The following TRPM3 variants were observed in gnomAD, a reference collection of about 807,000 sequenced individuals.
TRPM3 encodes transient receptor potential cation channel subfamily M member 3.
TRPM3 carries 77 observed loss-of-function variants against 181.2 expected under a neutral mutation model. The ratio of observed to expected loss-of-function variants is 0.42; its 90% CI spans 0.35 to 0.51. The LOEUF is 0.51. TRPM3 is among the 20% of genes least tolerant of loss of function. The pLI, the probability that TRPM3 is intolerant of heterozygous loss-of-function variation, is 0.01. For synonymous variants in TRPM3, 745 were observed against 796.4 expected, an observed-to-expected ratio of 0.94 and a Z score of 1.09; for missense variants, 1,759 against 2,196.7, an observed-to-expected ratio of 0.80 and a Z score of 3.98.
At chr9:71,282,181 AAGAAAGG>A (rs2084807450) in intron 1 of TRPM3, among the ~76,000 whole-genome samples, 1 of 129,876 alleles carries the variant, frequency 7.7e-6, no homozygotes, top group African/African-American at 3.1e-5. Flanking sequence ...GAAAGAAAGA[AAGAAAGG>A]AAAGAAAGAA....
At chr9:70,796,716 T>G (rs916695624) in intron 6 of TRPM3, among the ~76,000 whole-genome samples, 6 of 152,236 alleles carry the variant, frequency 3.9e-5, no homozygotes, top group African/African-American at 1.2e-4. Flanking sequence ...GATGTGGGTT[T>G]TGAACAGAGC....
rs561477601 is a variant in TRPM3, at chr9:71,233,687, T to C, written c.183+212966A>G. On this transcript the variant is annotated intron_variant, in intron 1 of 24. Coordinates refer to the TRPM3 transcript ENST00000357533. The stretch of plus-strand genomic sequence containing the variant: ...GTGAAAATGTGTTTGAAATCATAGT[T>C]AAATAAATTGTAGGTGTTATTATTA... Among the ~76,000 whole-genome samples, 252 of 152,332 alleles carry C rather than the reference T, an allele frequency of 1.7e-3. 2 individuals carry two copies. The highest frequency in any genetic ancestry group is 3.1e-3 in the Non-Finnish European group (211 of 68,034).
At chr9:71,074,106 A>G (rs1304558636) in intron 1 of TRPM3, among the ~76,000 whole-genome samples, 1 of 152,204 alleles carries the variant, frequency 6.6e-6, no homozygotes, top group Non-Finnish European at 1.5e-5. Context: ...ATTATTGTTA[A>G]CAATATAATT....
chr9:70,784,493 C>G (rs942989181), intron 6 of TRPM3, among the ~76,000 whole-genome samples: 1 of 152,132 alleles, frequency 6.6e-6, no homozygotes, highest in Non-Finnish European at 1.5e-5. Context: ...TTTGCCCTCT[C>G]CCCTCAACTC....
At chr9:71,042,866 A>C (rs2058989129) in intron 1 of TRPM3, among the ~76,000 whole-genome samples, 1 of 152,234 alleles carries the variant, frequency 6.6e-6, no homozygotes, top group South Asian at 2.1e-4. Context: ...GGCCATAAAC[A>C]GTTCATCAGA....
At chr9:71,285,244 T>A (rs142123325) in intron 1 of TRPM3, among the ~76,000 whole-genome samples, 1 of 152,334 alleles carries the variant, frequency 6.6e-6, no homozygotes, top group Non-Finnish European at 1.5e-5. Context: ...CCTGCCTGGG[T>A]GTGCACCATG....
At chr9:71,307,144 C>A (rs1290377592) in intron 1 of TRPM3, among the ~76,000 whole-genome samples, 1 of 152,166 alleles carries the variant, frequency 6.6e-6, no homozygotes, top group African/African-American at 2.4e-5. Flanking sequence ...GGGTCAAAGG[C>A]CATGAACACT....
In TRPM3 at chr9:70,994,804, TA is replaced by T. The variant is rs1376161737; in HGVS notation, c.177+126373del. 2.0e-5 allele frequency among the ~76,000 whole-genome samples: 3 copies of T among 152,324 alleles called. No homozygotes were observed. The East Asian group carries it at 5.8e-4, about 29-fold the overall frequency. On this transcript the variant is annotated intron_variant, in intron 1 of 25. Transcript: ENST00000677713. ...CTCTGCTTTTGTTGTGCATTCTATCTAATAAACCCTCAGCCTCTTTGGATGT... is the reference window on the plus strand; with the variant it reads ...CTCTGCTTTTGTTGTGCATTCTATCTATAAACCCTCAGCCTCTTTGGATGT...
intron 1 of TRPM3, among the ~76,000 whole-genome samples, chr9:71,434,856 C>T (rs1367630): frequency 0.26 from 39,408 of 151,922 alleles, 6,730 homozygotes; most frequent in African/African-American, 0.49. Flanking sequence ...ATTTATGGAG[C>T]AAAGGAGACA....
chr9:70,851,539 T>A (rs747326770), intron 3 of TRPM3, among the ~76,000 whole-genome samples: 17 of 152,232 alleles, frequency 1.1e-4, no homozygotes, highest in Non-Finnish European at 2.1e-4. Context: ...AGGGTCTACT[T>A]ATTGATCAGG....
intron 1 of TRPM3, among the ~76,000 whole-genome samples, chr9:71,153,852 C>G (rs1285143828): frequency 2.0e-5 from 3 of 152,136 alleles, no homozygotes; most frequent in Admixed American, 6.6e-5. Context: ...CCAACAAGTA[C>G]AGTGAGCATC....
chr9:71,247,854 G>A (rs1163174422), intron 1 of TRPM3, among the ~76,000 whole-genome samples: 1 of 152,090 alleles, frequency 6.6e-6, no homozygotes, highest in Admixed American at 6.6e-5. Context: ...AAACAAGGAG[G>A]TCCAGAGACT....
rs572948586 is a variant in TRPM3, at chr9:70,916,336, G to C, written c.178-51825C>G. On this transcript the variant is annotated intron_variant, in intron 1 of 25. Transcript: ENST00000677713. ...ACTCATTGGTAATAGTAAGTACACA[G>C]AAAAATATAGAATATTATAAAACTG... 1.7e-4 allele frequency among the ~76,000 whole-genome samples: 26 copies of C among 152,206 alleles called. No homozygotes were observed. The East Asian group carries it at 5.0e-3, about 29-fold the overall frequency.
intron 21 of TRPM3, among the ~76,000 whole-genome samples, chr9:70,595,518 C>T (rs567188889): frequency 3.3e-5 from 5 of 152,280 alleles, no homozygotes; most frequent in East Asian, 3.9e-4. Flanking sequence ...ATACAGCCCA[C>T]GATATCAGCA....
At chr9:70,764,552 A>G (rs976972445) in intron 7 of TRPM3, among the ~76,000 whole-genome samples, 4 of 152,158 alleles carry the variant, frequency 2.6e-5, no homozygotes, top group Middle Eastern at 3.2e-3. Context: ...TATGGGTTTC[A>G]GTGGTTAGGA....
chr9:71,145,017 T>C (rs112481944), intron 1 of TRPM3, among the ~76,000 whole-genome samples: 8 of 152,152 alleles, frequency 5.3e-5, no homozygotes, highest in African/African-American at 1.9e-4. Context: ...AAAGTTATAA[T>C]GAGATAACAT....
chr9:71,216,226 C>T (rs959204983), intron 1 of TRPM3, among the ~76,000 whole-genome samples: 24 of 146,498 alleles, frequency 1.6e-4, no homozygotes, highest in African/African-American at 6.0e-4. Flanking sequence ...TGTAAATAGG[C>T]TTCTAACTAA....
chr9:70,569,342 G>T (rs1247042632), intron 22 of TRPM3, among the ~76,000 whole-genome samples: 1 of 152,208 alleles, frequency 6.6e-6, no homozygotes, highest in East Asian at 1.9e-4. Flanking sequence ...GCATAGTAGG[G>T]TTGGGTTTGC....
rs1399342958 is a variant in TRPM3, at chr9:70,910,301, C to T, written c.178-45790G>A. On this transcript the variant is annotated intron_variant, in intron 1 of 25. Coordinates refer to ENST00000677713, the MANE Select transcript of TRPM3 (RefSeq NM_001366145.2). Reference sequence around the variant, plus strand: ...GCAAAATAAGTCAGATGCAAAGGAACACATGATTCTGTTTTTATAAAGTTT... The same window carrying T: ...GCAAAATAAGTCAGATGCAAAGGAATACATGATTCTGTTTTTATAAAGTTT... Among the ~76,000 whole-genome samples, 4 of 152,078 alleles carry T rather than the reference C, an allele frequency of 2.6e-5. No homozygotes were observed. The East Asian group carries it at 7.7e-4, about 29-fold the overall frequency.
Sources: allele counts gnomAD v4.1 joint callset (sites outside exome capture counted in the v4.1 genomes callset), GRCh38; gene constraint gnomAD v4.1.1; transcripts MANE v1.5; gene names NCBI Gene and HGNC (gene_info 2026-07-23, HGNC 2026-07-21).